Variants in PTPRM observed in about 807,000 individuals in gnomAD.
PTPRM encodes the protein receptor-type tyrosine-protein phosphatase mu.
Under a neutral mutation model 186.7 loss-of-function variants are expected in PTPRM, and 47 were observed. That is an observed-to-expected ratio of 0.25 (90% CI 0.20 to 0.32). The LOEUF is 0.32. Among genes scored for constraint, PTPRM ranks in the 10% least tolerant of loss-of-function variants. The pLI is 1.00. For missense variants in PTPRM, 1,494 were observed against 1,865.0 expected, an observed-to-expected ratio of 0.80 and a Z score of 3.66; for synonymous variants, 668 against 674.9, an observed-to-expected ratio of 0.99 and a Z score of 0.16.
intron 1 of PTPRM, among the ~76,000 whole-genome samples, chr18:7,730,159 T>C (rs8095773): frequency 0.066 from 10,109 of 152,174 alleles, 874 homozygotes; most frequent in African/African-American, 0.19. Context: ...CTAAAATGCA[T>C]GATAACTTTA....
intron 1 of PTPRM, among the ~76,000 whole-genome samples, chr18:7,620,807 T>C (rs756338451): frequency 1.3e-4 from 20 of 152,168 alleles, no homozygotes; most frequent in Non-Finnish European, 2.4e-4. Context: ...CTGAGTGTGA[T>C]TAAATAGGCA....
intron 9 of PTPRM, among the ~76,000 whole-genome samples, chr18:8,084,318 A>G (rs942672375): frequency 5.3e-5 from 8 of 152,166 alleles, no homozygotes; most frequent in Non-Finnish European, 1.0e-4. Flanking sequence ...AGGTATCCGA[A>G]TGGAGGACCA....
chr18:8,344,474 A>ATATATATATATATC (rs1318982857), intron 23 of PTPRM, among the ~76,000 whole-genome samples: 271 of 147,208 alleles, frequency 1.8e-3, no homozygotes, highest in African/African-American at 6.5e-3. Flanking sequence ...ATATATATAT[A>ATATATATATATATC]TCTAGCAAAA....
Position 8,387,079 on chromosome 18 carries a change from A to G in PTPRM, c.4052A>G (p.Asp1351Gly). The G allele has an allele frequency of 1.2e-6, 2 of 1,605,328 alleles. No homozygotes were observed. Among genetic ancestry groups the G allele is most frequent in the South Asian group, 1.1e-5 (1 of 90,816 alleles). The change falls in exon 31 of 33, where the codon GAT (aspartate) becomes GGT (glycine). Residue 1351 changes from aspartate (D) to glycine (G), a missense_variant. Physicochemically the swap from Asp to Gly is moderately conservative, Grantham distance 94 (BLOSUM62 -1). This residue lies in a region of PTPRM where 1,107 missense variants were observed against 1,350.2 expected (regional missense o/e 0.82). Transcript: ENST00000580170. ...TTGCCTTGTTCTTCGTAGCCCCAAG[A>G]TGGATATCGGATGGTGCAGCAATTC... Reference protein sequence around the residue: ...FRIYNAARPQDGYRMVQQFQF... With the variant: ...FRIYNAARPQGGYRMVQQFQF...
At chr18:8,103,879 G>A (rs2091400848) in intron 11 of PTPRM, among the ~76,000 whole-genome samples, 1 of 152,182 alleles carries the variant, frequency 6.6e-6, no homozygotes, top group South Asian at 2.1e-4. Flanking sequence ...TGAGAGGCTT[G>A]CAACTCTTCC....
intron 5 of PTPRM, among the ~76,000 whole-genome samples, chr18:7,936,814 G>A (rs1387639475): frequency 2.0e-5 from 3 of 152,148 alleles, no homozygotes; most frequent in Non-Finnish European, 4.4e-5. Context: ...CCCCTCTGAA[G>A]CCCATGAAAT....
chr18:7,987,004 A>G (rs2082998592), intron 7 of PTPRM, among the ~76,000 whole-genome samples: 1 of 152,206 alleles, frequency 6.6e-6, no homozygotes, highest in African/African-American at 2.4e-5. Flanking sequence ...CAATGTCTTG[A>G]TCTTGAGCTT....
At chr18:7,732,142 G>C (rs1412750601) in intron 1 of PTPRM, among the ~76,000 whole-genome samples, 1 of 152,140 alleles carries the variant, frequency 6.6e-6, no homozygotes, top group Non-Finnish European at 1.5e-5. Flanking sequence ...AAAGGAAAAG[G>C]AGTACACAGG....
chr18:8,009,807 G>T (rs1202118724), intron 7 of PTPRM, among the ~76,000 whole-genome samples: 1 of 152,074 alleles, frequency 6.6e-6, no homozygotes, highest in South Asian at 2.1e-4. Flanking sequence ...AATATCTAGT[G>T]TACCTTCCAT....
chr18:7,994,095 A>G (rs996276170), intron 7 of PTPRM, among the ~76,000 whole-genome samples: 1 of 152,126 alleles, frequency 6.6e-6, no homozygotes, highest in Non-Finnish European at 1.5e-5. Context: ...CTATAAAGAC[A>G]TATAGATTGA....
chr18:8,228,374 T>C (rs2094241674), intron 14 of PTPRM, among the ~76,000 whole-genome samples: 2 of 152,258 alleles, frequency 1.3e-5, no homozygotes, highest in Middle Eastern at 6.8e-3. Context: ...CAGCCAGATA[T>C]ATAATGAGAG....
In PTPRM at chr18:8,005,837, G is replaced by A. The variant is rs115915863; in HGVS notation, c.1132+50423G>A. On this transcript the variant is annotated intron_variant, in intron 7 of 32. Coordinates refer to ENST00000580170, the MANE Select transcript of PTPRM (RefSeq NM_001105244.2). ...CCTCAATCTGTCTTTTGTATTTTAA[G>A]CCTTTTAATTTCTAATTGTGGAATA... Among the ~76,000 whole-genome samples the A allele has an allele frequency of 5.7e-3, 871 of 152,182 alleles. 13 individuals are homozygous for A. Among genetic ancestry groups the A allele is most frequent in the African/African-American group, 0.02 (822 of 41,506 alleles).
chr18:8,339,868 A>AT (rs1259536685), intron 22 of PTPRM, among the ~76,000 whole-genome samples: 1 of 152,166 alleles, frequency 6.6e-6, no homozygotes, highest in African/African-American at 2.4e-5. Context: ...GTAGCTGAGT[A>AT]ATACTTGAGA....
intron 1 of PTPRM, among the ~76,000 whole-genome samples, chr18:7,758,683 T>C (rs1598545838): frequency 6.6e-6 from 1 of 152,226 alleles, no homozygotes; most frequent in East Asian, 1.9e-4. Flanking sequence ...AAGGTCTTTA[T>C]TACTAATTAT....
chr18:7,721,879 T>C (rs1419909400), intron 1 of PTPRM, among the ~76,000 whole-genome samples: 2 of 152,330 alleles, frequency 1.3e-5, no homozygotes, highest in Middle Eastern at 3.4e-3. Flanking sequence ...ACAGAAATAA[T>C]CAAATGAAAT....
At position 8,379,273 on chromosome 18, in the gene PTPRM, G is replaced by A. The variant is rs753269616; in HGVS notation, c.3719G>A (p.Arg1240His). 77 of 1,613,994 alleles carry A rather than the reference G, an allele frequency of 4.8e-5. 1 individual carries two copies. The highest frequency in any genetic ancestry group is 3.5e-4 in the South Asian group (32 of 91,058). The change falls in exon 28 of 33, where the codon CGC (arginine) becomes CAC (histidine). Residue 1240 changes from arginine (R) to histidine (H), a missense_variant. By Grantham distance (29) the Arg-to-His change is conservative. Coordinates refer to ENST00000580170, the MANE Select transcript of PTPRM (RefSeq NM_001105244.2). ...TGCATGGACATCCTGCCCCCAGACC[G>A]CTGCCTGCCCTTCCTCATCACCATC... ...NRCMDILPPD[R>H]CLPFLITIDG...
intron 19 of PTPRM, among the ~76,000 whole-genome samples, chr18:8,285,174 T>G (rs1164129660): frequency 1.3e-5 from 2 of 152,206 alleles, no homozygotes; most frequent in South Asian, 2.1e-4. Context: ...CCAACATGGT[T>G]TTTTCCACTG....
At chr18:7,733,216 C>T (rs934823047) in intron 1 of PTPRM, among the ~76,000 whole-genome samples, 8 of 152,182 alleles carry the variant, frequency 5.3e-5, no homozygotes, top group Non-Finnish European at 1.2e-4. Context: ...AGGTATTTGT[C>T]CTAATGCTCC....
At chr18:7,608,387 C>T (rs1238967986) in intron 1 of PTPRM, among the ~76,000 whole-genome samples, 1 of 152,162 alleles carries the variant, frequency 6.6e-6, no homozygotes, top group African/African-American at 2.4e-5. Flanking sequence ...GAAACATTCT[C>T]AGAGTTCCAA....
Sources: allele counts gnomAD v4.1 joint callset (sites outside exome capture counted in the v4.1 genomes callset), GRCh38; gene constraint gnomAD v4.1.1; regional missense constraint gnomAD v4.1.1; transcripts MANE v1.5; gene names NCBI Gene and HGNC (gene_info 2026-07-23, HGNC 2026-07-21).